Variants in LRBA observed in about 807,000 individuals in gnomAD.
LRBA encodes the protein lipopolysaccharide-responsive and beige-like anchor protein.
Under a neutral mutation model 330.0 loss-of-function variants are expected in LRBA, and 176 were observed. The ratio of observed to expected loss-of-function variants is 0.53; its 90% CI spans 0.47 to 0.60. The LOEUF is 0.60. Ranked by LOEUF, LRBA falls within the 20% of genes least tolerant of loss-of-function variation. LRBA has a pLI of 0.00. For synonymous variants in LRBA, 1,230 were observed against 1,193.0 expected, an observed-to-expected ratio of 1.03 and a Z score of -0.64; for missense variants, 3,259 against 3,444.8, an observed-to-expected ratio of 0.95 and a Z score of 1.35.
intron 48 of LRBA, among the ~76,000 whole-genome samples, chr4:150,346,586 C>A (rs1736340811): frequency 6.6e-6 from 1 of 151,446 alleles, no homozygotes; most frequent in Non-Finnish European, 1.5e-5. Context: ...ATGGTAAAAC[C>A]CGTCTCTACT....
At chr4:150,809,082 G>C (rs1743227269) in intron 31 of LRBA, among the ~76,000 whole-genome samples, 1 of 152,158 alleles carries the variant, frequency 6.6e-6, no homozygotes, top group African/African-American at 2.4e-5. Flanking sequence ...AAAGTTATTG[G>C]AGCCAGTGTG....
chr4:150,614,029 T>C (rs1280337840), intron 37 of LRBA, among the ~76,000 whole-genome samples: 1 of 152,144 alleles, frequency 6.6e-6, no homozygotes, highest in African/African-American at 2.4e-5. Flanking sequence ...ATAAGATGAC[T>C]CTCACATCTG....
chr4:150,575,380 T>C lies in LRBA; in HGVS notation c.6330+12668A>G, dbSNP rs1474507427. ...GATGAGGCAGGCTAGATTTTTAACA[T>C]TTCCATTAAAAATAACACAAAGTCC... On this transcript the variant is annotated intron_variant, in intron 40 of 56. Transcript: ENST00000651943. Among the ~76,000 whole-genome samples, 3 of 151,896 alleles carry C rather than the reference T, an allele frequency of 2.0e-5. No individual in the cohort carries two copies. The East Asian group carries it at 5.8e-4, about 29-fold the overall frequency.
At chr4:150,925,129 G>A (rs2149501648) in intron 4 of LRBA, among the ~76,000 whole-genome samples, 1 of 149,982 alleles carries the variant, frequency 6.7e-6, no homozygotes, top group East Asian at 2.0e-4. Flanking sequence ...TCACACCATT[G>A]CACTCCAGCC....
At chr4:150,993,186 A>T (rs1244502365) in intron 2 of LRBA, among the ~76,000 whole-genome samples, 1 of 152,198 alleles carries the variant, frequency 6.6e-6, no homozygotes, top group Non-Finnish European at 1.5e-5. Context: ...CAGTTTGGCT[A>T]GAGCATAATT....
chr4:150,500,653 G>A (rs1760151911), intron 40 of LRBA, among the ~76,000 whole-genome samples: 1 of 152,204 alleles, frequency 6.6e-6, no homozygotes, highest in Non-Finnish European at 1.5e-5. Context: ...AGTAATATCA[G>A]TTTACTGATA....
intron 33 of LRBA, among the ~76,000 whole-genome samples, chr4:150,803,266 C>T (rs1742010358): frequency 6.6e-6 from 1 of 151,340 alleles, no homozygotes; most frequent in East Asian, 1.9e-4. Context: ...TTTTTACATG[C>T]TATTAAGTAT....
At chr4:150,433,073 C>G (rs1350568241) in intron 46 of LRBA, among the ~76,000 whole-genome samples, 1 of 152,028 alleles carries the variant, frequency 6.6e-6, no homozygotes, top group Non-Finnish European at 1.5e-5. Flanking sequence ...TATCAGTAGG[C>G]TTCACAAAGT....
intron 53 of LRBA, among the ~76,000 whole-genome samples, chr4:150,299,822 A>G (rs1233455886): frequency 2.0e-5 from 3 of 152,072 alleles, no homozygotes; most frequent in Non-Finnish European, 4.4e-5. Context: ...ACAATAAAAA[A>G]TTTAAAGTTG....
intron 53 of LRBA, among the ~76,000 whole-genome samples, chr4:150,299,241 G>A (rs1179107285): frequency 6.6e-6 from 1 of 152,054 alleles, no homozygotes; most frequent in African/African-American, 2.4e-5. Context: ...ACATCTCTCA[G>A]TGAAATATTC....
chr4:150,406,921 C>T (rs929358889), intron 47 of LRBA, among the ~76,000 whole-genome samples: 7 of 152,176 alleles, frequency 4.6e-5, no homozygotes, highest in East Asian at 1.9e-4. Context: ...GCTGGAACTA[C>T]AGGCACACAC....
intron 40 of LRBA, among the ~76,000 whole-genome samples, chr4:150,516,217 C>CTATTT (rs1762340727): frequency 3.4e-5 from 1 of 29,412 alleles, no homozygotes; most frequent in Non-Finnish European, 9.1e-5. Flanking sequence ...TTTCTATTCT[C>CTATTT]TTTTTTTTTT....
At chr4:150,923,214 C>T (rs953141928) in intron 4 of LRBA, among the ~76,000 whole-genome samples, 2 of 150,880 alleles carry the variant, frequency 1.3e-5, no homozygotes, top group African/African-American at 2.4e-5. Flanking sequence ...TATACTTTCA[C>T]CATTAAAATA....
intron 47 of LRBA, among the ~76,000 whole-genome samples, chr4:150,402,858 C>T (rs1745686100): frequency 6.6e-6 from 1 of 151,684 alleles, no homozygotes; most frequent in Non-Finnish European, 1.5e-5. Flanking sequence ...TCAACCGGAC[C>T]ACAAAAAACT....
intron 34 of LRBA, among the ~76,000 whole-genome samples, chr4:150,797,013 G>A (rs1008117645): frequency 1.2e-4 from 18 of 151,762 alleles, no homozygotes; most frequent in African/African-American, 4.1e-4. Context: ...AGAATCACAA[G>A]CCTACTAAGT....
chr4:150,639,753 A>ATGTGTG (rs755120231), intron 37 of LRBA, among the ~76,000 whole-genome samples: 2,437 of 26,298 alleles, frequency 0.093, 885 homozygotes, highest in Middle Eastern at 0.19. Context: ...ATATATATAT[A>ATGTGTG]TATATATATA....
At chr4:150,975,255 A>C (rs1740018584) in intron 2 of LRBA, among the ~76,000 whole-genome samples, 1 of 152,228 alleles carries the variant, frequency 6.6e-6, no homozygotes, top group African/African-American at 2.4e-5. Context: ...GTAGCCAGGC[A>C]CAGTGGCTCA....
chr4:150,876,544 T>C (rs754039015), intron 17 of LRBA, among the ~76,000 whole-genome samples: 4 of 152,146 alleles, frequency 2.6e-5, no homozygotes, highest in Non-Finnish European at 4.4e-5. Flanking sequence ...CCAGGAGACA[T>C]TGAGGGCTTA....
intron 31 of LRBA, among the ~76,000 whole-genome samples, chr4:150,809,891 ATACGATACG>A (rs1182906577): frequency 2.0e-5 from 3 of 149,592 alleles, no homozygotes; most frequent in Non-Finnish European, 4.4e-5. Context: ...ATACGATACG[ATACGATACG>A]ATACGATACG....
Sources: allele counts gnomAD v4.1 joint callset (sites outside exome capture counted in the v4.1 genomes callset), GRCh38; gene constraint gnomAD v4.1.1; transcripts MANE v1.5; gene names NCBI Gene and HGNC (gene_info 2026-07-23, HGNC 2026-07-21).